The following HS1BP3 variants were observed in gnomAD, a reference collection of about 807,000 sequenced individuals.
HS1BP3 encodes the protein HCLS1-binding protein 3.
A neutral mutation model predicts 33.5 loss-of-function variants in HS1BP3; 32 were observed. The ratio of observed to expected loss-of-function variants is 0.95; its 90% CI spans 0.72 to 1.28. The LOEUF (loss-of-function observed/expected upper bound fraction) is 1.28. HS1BP3 is among the 50% of genes most tolerant of loss of function. HS1BP3 has a pLI of 0.00. For missense variants in HS1BP3, 486 were observed against 502.3 expected (o/e 0.97, Z 0.31); for synonymous variants, 187 against 209.2 (o/e 0.89, Z 0.92).
At chr2:20,560,529 A>T (rs931278333) in intron 5 of HS1BP3, 1 of 152,296 alleles carries the variant, frequency 6.6e-6, no homozygotes, top group Non-Finnish European at 1.5e-5. Context: ...CAGGAATAAC[A>T]AGAACAGATG....
In HS1BP3 at chr2:20,576,180, C is replaced by T. The variant is rs115441341; in HGVS notation, c.303-15665G>A. Among the ~76,000 whole-genome samples, 847 of 152,238 alleles carry T rather than the reference C, an allele frequency of 5.6e-3. 1 individual carries two copies. The highest frequency in any genetic ancestry group is 0.018 in the African/African-American group (751 of 41,526). On this transcript the variant is annotated intron_variant, in intron 5 of 5. Coordinates refer to the HS1BP3 transcript ENST00000446825. ...AGTTTTTGTAGAGATAGGATCTCACCGTGTTGTCCAGGCTGGTCCTGAACT... is the reference window on the plus strand; with the variant it reads ...AGTTTTTGTAGAGATAGGATCTCACTGTGTTGTCCAGGCTGGTCCTGAACT...
At chr2:20,627,820 C>T (rs73235100) in intron 4 of HS1BP3, among the ~76,000 whole-genome samples, 9 of 152,230 alleles carry the variant, frequency 5.9e-5, no homozygotes, top group African/African-American at 1.4e-4. Flanking sequence ...CTATCCTGAG[C>T]GGCCCAAAAC....
intron 5 of HS1BP3, among the ~76,000 whole-genome samples, chr2:20,580,974 A>G (rs914608056): frequency 6.6e-6 from 1 of 152,222 alleles, no homozygotes; most frequent in Non-Finnish European, 1.5e-5. Context: ...GCACAGCCCC[A>G]GGTTAGTGTC....
Position 20,645,469 on chromosome 2 carries a change from A to C in HS1BP3, c.69T>G (p.Thr23=). Residue 23 remains threonine, a synonymous_variant, in exon 2 of 7, where the codon ACT becomes ACG. Coordinates refer to ENST00000304031, the MANE Select transcript of HS1BP3 (RefSeq NM_022460.4). ...LQNAHTGLDL[T]VPQHQEVRGK... is the part of the protein sequence containing the mutation. ...CCCGTACCTCCTGGTGCTGGGGCACAGTCAGGTCGAGGCCAGTGTGGGCAT... is the reference window on the plus strand; with the variant it reads ...CCCGTACCTCCTGGTGCTGGGGCACCGTCAGGTCGAGGCCAGTGTGGGCAT... 1.2e-6 allele frequency: 2 copies of C among 1,613,868 alleles called. No homozygotes were observed. The highest frequency in any genetic ancestry group is 8.5e-7 in the Non-Finnish European group (1 of 1,179,922).
At position 20,562,763 on chromosome 2, in the gene HS1BP3, A is replaced by T. The variant is rs137930689; in HGVS notation, c.303-2248T>A. ...AGAATTGAATTCAAAGCGAGGACAG[A>T]CAGGCAGCTGGTGTCTGCTGGAGAG... is the stretch of plus-strand genomic sequence containing the variant. On this transcript the variant is annotated intron_variant, in intron 5 of 5. Transcript: ENST00000446825. 1.2e-3 allele frequency among the ~76,000 whole-genome samples: 181 copies of T among 152,336 alleles called. 1 individual carries two copies. The highest frequency in any genetic ancestry group is 3.3e-3 in the South Asian group (16 of 4,826).
chr2:20,571,224 T>G (rs1442467987), intron 5 of HS1BP3, among the ~76,000 whole-genome samples: 2 of 152,194 alleles, frequency 1.3e-5, no homozygotes, highest in Non-Finnish European at 2.9e-5. Context: ...TTCCTTAGGC[T>G]GCACTCCATT....
At chr2:20,573,750 A>G (rs943391469) in intron 5 of HS1BP3, among the ~76,000 whole-genome samples, 3 of 152,208 alleles carry the variant, frequency 2.0e-5, no homozygotes, top group Non-Finnish European at 4.4e-5. Context: ...ATTTTCTCAT[A>G]AAAATAACAA....
chr2:20,641,801 C>T (rs567267812), intron 2 of HS1BP3, among the ~76,000 whole-genome samples: 6 of 152,320 alleles, frequency 3.9e-5, no homozygotes, highest in African/African-American at 4.8e-5. Context: ...CTCAGCTTCC[C>T]GTGGGGCCAG....
At chr2:20,622,054 C>A in intron 6 of HS1BP3, 1 of 546,690 alleles carries the variant, frequency 1.8e-6, no homozygotes, top group South Asian at 2.1e-5. Flanking sequence ...AGGCCCTGCC[C>A]TGGTGTGGCT....
chr2:20,648,635 G>C (rs1695589608), intron 1 of HS1BP3, among the ~76,000 whole-genome samples: 2 of 152,050 alleles, frequency 1.3e-5, no homozygotes, highest in African/African-American at 4.8e-5. Context: ...TCCTCTCACT[G>C]TACCCCTCCC....
chr2:20,573,942 A>G (rs114544222), intron 5 of HS1BP3, among the ~76,000 whole-genome samples: 2,460 of 152,290 alleles, frequency 0.016, 63 homozygotes, highest in African/African-American at 0.057. Flanking sequence ...TTTCAGGGAC[A>G]TAGAGAATGA....
rs567022294 is a variant in HS1BP3 at position 20,597,519 on chromosome 2, A to G, written c.*12+689T>C. Among the ~76,000 whole-genome samples, 232 of 152,268 alleles carry G rather than the reference A, an allele frequency of 1.5e-3. 2 individuals are homozygous for G. The highest frequency in any genetic ancestry group is 5.2e-3 in the African/African-American group (216 of 41,556). On this transcript the variant is annotated intron_variant, in intron 3 of 3. Transcript: ENST00000415264. ...AGTTGATTTCCATGAGAGGTGATCA[A>G]ACTGTGCTGTAGAAACCTCAGCGAT...
At chr2:20,607,933 G>A (rs1332688060) in intron 2 of HS1BP3, among the ~76,000 whole-genome samples, 2 of 152,074 alleles carry the variant, frequency 1.3e-5, no homozygotes, top group Non-Finnish European at 1.5e-5. Flanking sequence ...TCTTTCAGCG[G>A]TGTTACATAG....
intron 4 of HS1BP3, among the ~76,000 whole-genome samples, chr2:20,627,500 C>T (rs575413098): frequency 1.6e-4 from 25 of 152,354 alleles, no homozygotes; most frequent in East Asian, 1.9e-4. Context: ...CCCCTTCCTA[C>T]GCCTGCACCT....
intron 5 of HS1BP3, among the ~76,000 whole-genome samples, chr2:20,587,421 C>T (rs901272025): frequency 6.6e-6 from 1 of 152,196 alleles, no homozygotes; most frequent in African/African-American, 2.4e-5. Flanking sequence ...ATCCCCTGCT[C>T]TCCTGAGGAT....
At chr2:20,644,819 C>T (rs1437229695) in intron 2 of HS1BP3, among the ~76,000 whole-genome samples, 1 of 152,226 alleles carries the variant, frequency 6.6e-6, no homozygotes, top group Non-Finnish European at 1.5e-5. Flanking sequence ...AGGTTAAGTC[C>T]AGGCTCCCGC....
rs945725164 is a variant in HS1BP3, at chr2:20,622,179, T to C, written c.920+1717A>G. The stretch of plus-strand genomic sequence containing the variant: ...ATGAACGAAGGGGTGAAAGCATGAA[T>C]GAATGAATGGCTATCAGAACATTCT... On this transcript the variant is annotated intron_variant, in intron 6 of 6. Transcript: ENST00000304031. The C allele has an allele frequency of 1.2e-5, 16 of 1,288,138 alleles. 1 individual carries two copies. The South Asian group carries it at 1.8e-4, about 14-fold the overall frequency. The allele number at this position is 1,288,138 out of a possible 1,614,324, so 79.8% of individuals were successfully genotyped here. A position where few individuals can be genotyped will look rare whatever the true frequency, so the allele number is the denominator to read the frequency against.
intron 5 of HS1BP3, among the ~76,000 whole-genome samples, chr2:20,572,528 G>A (rs1043689583): frequency 6.6e-6 from 1 of 150,734 alleles, no homozygotes; most frequent in Non-Finnish European, 1.5e-5. Flanking sequence ...TTCTTATTTT[G>A]TTTTTTTTTC....
chr2:20,599,586 A>G (rs1263608499), intron 2 of HS1BP3, among the ~76,000 whole-genome samples: 1 of 149,944 alleles, frequency 6.7e-6, no homozygotes, highest in African/African-American at 2.4e-5. Flanking sequence ...TTCAAGGAAA[A>G]TGTATTCATG....
Sources: allele counts gnomAD v4.1 joint callset (sites outside exome capture counted in the v4.1 genomes callset), GRCh38; gene constraint gnomAD v4.1.1; transcripts MANE v1.5; gene names NCBI Gene and HGNC (gene_info 2026-07-23, HGNC 2026-07-21).